SGCD: variants seen among roughly 807,000 people sequenced by gnomAD.
SGCD encodes the protein sarcoglycan delta, also known as delta-sarcoglycan.
In SGCD, 18 loss-of-function variants were observed where a neutral mutation model predicts 36.6. The ratio of observed to expected loss-of-function variants is 0.49; its 90% CI spans 0.34 to 0.73. The LOEUF is 0.73. Ranked by LOEUF, SGCD falls within the 30% of genes least tolerant of loss-of-function variation. The pLI, the probability that SGCD is intolerant of heterozygous loss-of-function variation, is 0.01. For synonymous variants in SGCD, 133 were observed against 130.6 expected, an observed-to-expected ratio of 1.02 and a Z score of -0.12; for missense variants, 387 against 346.7, an observed-to-expected ratio of 1.12 and a Z score of -0.92.
intron 3 of SGCD, among the ~76,000 whole-genome samples, chr5:156,282,236 C>T (rs1456636218): frequency 1.3e-5 from 2 of 152,126 alleles, no homozygotes; most frequent in Non-Finnish European, 2.9e-5. Context: ...TATAGTATGG[C>T]AGAATAAGTG....
At chr5:156,192,327 C>T (rs1040062155) in intron 3 of SGCD, among the ~76,000 whole-genome samples, 13 of 152,036 alleles carry the variant, frequency 8.6e-5, no homozygotes, top group African/African-American at 3.1e-4. Flanking sequence ...TTTCTTTGTT[C>T]AGTAGAACTG....
chr5:156,457,732 T>C (rs1413730308), intron 3 of SGCD, among the ~76,000 whole-genome samples: 1 of 152,228 alleles, frequency 6.6e-6, no homozygotes, highest in Non-Finnish European at 1.5e-5. Context: ...CAGAAAAATG[T>C]AAATGTCTCT....
intron 4 of SGCD, among the ~76,000 whole-genome samples, chr5:156,581,270 G>T (rs1232462239): frequency 6.6e-6 from 1 of 152,160 alleles, no homozygotes; most frequent in Admixed American, 6.5e-5. Flanking sequence ...AAATATTGCT[G>T]CCTGATCCTT....
chr5:156,129,678 C>T (rs1416609582), intron 3 of SGCD, among the ~76,000 whole-genome samples: 1 of 152,126 alleles, frequency 6.6e-6, no homozygotes, highest in Non-Finnish European at 1.5e-5. Context: ...GTCTGTTGTT[C>T]CCTTCTTTGT....
chr5:156,195,574 C>A (rs1764005119), intron 3 of SGCD, among the ~76,000 whole-genome samples: 1 of 152,124 alleles, frequency 6.6e-6, no homozygotes, highest in South Asian at 2.1e-4. Context: ...CCAGTAATAT[C>A]CACTATTAAC....
chr5:155,991,753 T>A (rs370077408), intron 1 of SGCD, among the ~76,000 whole-genome samples: 86 of 152,316 alleles, frequency 5.6e-4, no homozygotes, highest in African/African-American at 2.0e-3. Context: ...TTGATGCAGA[T>A]TATGGTATAT....
At chr5:156,180,663 A>C (rs1763586577) in intron 3 of SGCD, among the ~76,000 whole-genome samples, 1 of 152,304 alleles carries the variant, frequency 6.6e-6, no homozygotes, top group East Asian at 1.9e-4. Flanking sequence ...GGCATTCAAC[A>C]TTTATTTTAA....
At chr5:156,497,567 A>T (rs1756251766) in intron 3 of SGCD, among the ~76,000 whole-genome samples, 1 of 151,826 alleles carries the variant, frequency 6.6e-6, no homozygotes, top group Non-Finnish European at 1.5e-5. Flanking sequence ...GCAGCAAAGC[A>T]ATTTGACAGT....
the SGCD span, among the ~76,000 whole-genome samples, chr5:155,809,194 T>A: frequency 3.4e-3 from 523 of 152,284 alleles, 5 homozygotes; most frequent in African/African-American, 0.012. Flanking sequence ...AGGTGCATAG[T>A]TTCTGTTGTT....
intron 3 of SGCD, among the ~76,000 whole-genome samples, chr5:156,239,357 G>T (rs249889): frequency 1.4e-5 from 2 of 138,544 alleles, no homozygotes; most frequent in Admixed American, 7.6e-5. Context: ...CAGAGATTGC[G>T]CCACTGCCCT....
intron 3 of SGCD, among the ~76,000 whole-genome samples, chr5:156,367,368 A>T (rs999571926): frequency 1.3e-5 from 2 of 151,044 alleles, no homozygotes; most frequent in African/African-American, 2.5e-5. Context: ...TGTGGATTGA[A>T]TTTTTTTTAA....
chr5:156,611,191 C>G (rs375688202), intron 6 of SGCD, among the ~76,000 whole-genome samples: 4 of 152,178 alleles, frequency 2.6e-5, no homozygotes, highest in Admixed American at 6.5e-5. Flanking sequence ...CTCCTCCCCT[C>G]GATTATGAAT....
chr5:156,101,902 CTGTGTGTGTGTGTGTGTGTGTGTG>C (rs36187985), intron 1 of SGCD, among the ~76,000 whole-genome samples: 7 of 108,046 alleles, frequency 6.5e-5, no homozygotes, highest in Non-Finnish European at 1.3e-4. Context: ...GTGTCTCCAG[CTGTGTGTGTGTGTGTGTGTGTGTG>C]TGTGTGTGTG....
At chr5:156,141,469 G>A (rs1762579983) in intron 3 of SGCD, among the ~76,000 whole-genome samples, 1 of 152,238 alleles carries the variant, frequency 6.6e-6, no homozygotes, top group Non-Finnish European at 1.5e-5. Flanking sequence ...TCAGGGCCTT[G>A]AAGGCCCAAC....
At chr5:156,322,552 A>G (rs529833935), upstream of SGCD, among the ~76,000 whole-genome samples, 22 of 152,348 alleles carry the variant, frequency 1.4e-4, no homozygotes, top group South Asian at 2.7e-3. Context: ...ATAGGCTTAT[A>G]TAACAGGGGA....
chr5:156,558,125 T>TATATATATATATATATATATATATATATA lies in SGCD; in HGVS notation c.295-31104_295-31103insATATATATATATATATATATATATATAAT, dbSNP rs56304932. ...TATATATATATATATATATATATATTATTTAACTCTCTTTTAAAGGCAGTT... is the reference window on the plus strand; with the variant it reads ...TATATATATATATATATATATATATTATATATATATATATATATATATATATATAATTTAACTCTCTTTTAAAGGCAGTT... On this transcript the variant is annotated intron_variant, in intron 4 of 8. Coordinates refer to ENST00000337851, the MANE Select transcript of SGCD (RefSeq NM_000337.6). 8.4e-5 allele frequency among the ~76,000 whole-genome samples: 9 copies of TATATATATATATATATATATATATATATA among 107,768 alleles called. 1 individual carries two copies. The highest frequency in any genetic ancestry group is 1.1e-4 in the Non-Finnish European group (6 of 53,494). 70.7% of individuals were successfully genotyped at this position (107,768 alleles called of 152,430 possible).
intron 3 of SGCD, among the ~76,000 whole-genome samples, chr5:156,172,206 C>T (rs1017020430): frequency 1.3e-5 from 2 of 152,194 alleles, no homozygotes; most frequent in African/African-American, 4.8e-5. Flanking sequence ...ATCGCTTGAA[C>T]CCGGAGGCAG....
chr5:156,587,597 A>G (rs1760545565), intron 4 of SGCD, among the ~76,000 whole-genome samples: 1 of 152,168 alleles, frequency 6.6e-6, no homozygotes, highest in Non-Finnish European at 1.5e-5. Flanking sequence ...TGTGCAGGTG[A>G]CTGGACTGGG....
chr5:156,682,547 C>A (rs539253757), intron 7 of SGCD, among the ~76,000 whole-genome samples: 1 of 152,314 alleles, frequency 6.6e-6, no homozygotes, highest in South Asian at 2.1e-4. Flanking sequence ...TCAGCTTCTG[C>A]CGAAAAGGCA....
Sources: allele counts gnomAD v4.1 joint callset (sites outside exome capture counted in the v4.1 genomes callset), GRCh38; gene constraint gnomAD v4.1.1; transcripts MANE v1.5; gene names NCBI Gene and HGNC (gene_info 2026-07-23, HGNC 2026-07-21).